The following NELL2 variants were observed in gnomAD, a reference collection of about 807,000 sequenced individuals.
The protein encoded by NELL2 is neural EGFL like 2.
Under a neutral mutation model 109.6 loss-of-function variants are expected in NELL2, and 41 were observed. The observed-to-expected ratio is 0.37, with a 90% CI of 0.29 to 0.49. The LOEUF is 0.49. Among genes scored for constraint, NELL2 ranks in the 20% least tolerant of loss-of-function variants. The probability of loss-of-function intolerance (pLI) is 0.98; values close to 1 mark genes in which losing one functional copy is unlikely to be tolerated. For missense variants in NELL2, 900 were observed against 1,008.3 expected (o/e 0.89, Z 1.45); for synonymous variants, 355 against 344.7 (o/e 1.03, Z -0.33).
At chr12:44,624,653 T>C (rs761763630) in intron 13 of NELL2, among the ~76,000 whole-genome samples, 3 of 152,040 alleles carry the variant, frequency 2.0e-5, no homozygotes, top group Non-Finnish European at 2.9e-5. Context: ...TAAGGTAAAG[T>C]GGGACAAGAG....
At chr12:44,559,919 TAAC>T (rs1219374262) in intron 15 of NELL2, among the ~76,000 whole-genome samples, 1 of 152,100 alleles carries the variant, frequency 6.6e-6, no homozygotes, top group Non-Finnish European at 1.5e-5. Context: ...ATTGACCACA[TAAC>T]TGGAAGTAAA....
chr12:44,759,898 C>A (rs1055259849), intron 9 of NELL2, among the ~76,000 whole-genome samples: 1 of 152,160 alleles, frequency 6.6e-6, no homozygotes, highest in Admixed American at 6.6e-5. Flanking sequence ...GGAAAGAACT[C>A]AACCTCCTTT....
intron 1 of NELL2, among the ~76,000 whole-genome samples, chr12:44,891,250 C>T (rs1434746266): frequency 6.6e-6 from 1 of 152,154 alleles, no homozygotes; most frequent in Admixed American, 6.5e-5. Flanking sequence ...ACCAGCTATC[C>T]AAATAACAAT....
chr12:44,573,172 T>C (rs1364847316), intron 15 of NELL2, among the ~76,000 whole-genome samples: 3 of 152,310 alleles, frequency 2.0e-5, no homozygotes, highest in Middle Eastern at 3.4e-3. Context: ...TCTCAGCCCA[T>C]TAGGCTCTCA....
chr12:44,753,028 C>A (rs548299250), intron 9 of NELL2, among the ~76,000 whole-genome samples: 8 of 152,256 alleles, frequency 5.3e-5, no homozygotes, highest in African/African-American at 1.7e-4. Flanking sequence ...ACCCTGCTGG[C>A]CTGAACTTTA....
intron 13 of NELL2, among the ~76,000 whole-genome samples, chr12:44,663,252 T>TA (rs947746742): frequency 1.6e-4 from 24 of 150,764 alleles, no homozygotes; most frequent in Admixed American, 9.9e-4. Context: ...GGCCTAACAT[T>TA]AAAAAAAAAT....
chr12:44,528,777 T>G (rs1941914796), intron 16 of NELL2, among the ~76,000 whole-genome samples: 1 of 152,074 alleles, frequency 6.6e-6, no homozygotes, highest in Non-Finnish European at 1.5e-5. Flanking sequence ...GTGAATAGAG[T>G]GTCAGAGGTG....
chr12:44,680,895 T>C (rs1019334523), intron 12 of NELL2, among the ~76,000 whole-genome samples: 2 of 152,178 alleles, frequency 1.3e-5, no homozygotes, highest in Non-Finnish European at 2.9e-5. Context: ...ACAATGTATG[T>C]TGCTTTGACA....
rs548230713 is a variant in NELL2, at chr12:44,730,653, TA to T, written c.995-15913del. On this transcript the variant is annotated intron_variant, in intron 9 of 19. Coordinates refer to ENST00000429094, the MANE Select transcript of NELL2 (RefSeq NM_001145108.2). The stretch of plus-strand genomic sequence containing the variant: ...AAAAGCAGTAAAAAAGGGAAGTTTA[TA>T]GGGGTAAATGCCCACATTTAAAAAT... Among the ~76,000 whole-genome samples the T allele has an allele frequency of 1.7e-3, 266 of 152,144 alleles. 2 individuals are homozygous for T. Among genetic ancestry groups the T allele is most frequent in the African/African-American group, 6.1e-3 (252 of 41,556 alleles).
intron 9 of NELL2, among the ~76,000 whole-genome samples, chr12:44,752,041 G>A (rs913548842): frequency 6.6e-6 from 1 of 152,064 alleles, no homozygotes; most frequent in African/African-American, 2.4e-5. Flanking sequence ...AGCCATCCTG[G>A]GCTGCATGCA....
intron 13 of NELL2, among the ~76,000 whole-genome samples, chr12:44,638,752 C>G (rs1341371519): frequency 6.6e-6 from 1 of 152,210 alleles, no homozygotes; most frequent in East Asian, 1.9e-4. Flanking sequence ...ATCTCACTTG[C>G]TTTGTTCAAC....
intron 15 of NELL2, among the ~76,000 whole-genome samples, chr12:44,558,629 G>A (rs553675328): frequency 9.8e-5 from 15 of 152,300 alleles, no homozygotes; most frequent in Non-Finnish European, 1.5e-4. Context: ...CCATGAGGAA[G>A]GGTGCACTCT....
At chr12:44,616,220 A>C (rs1945819880) in intron 13 of NELL2, among the ~76,000 whole-genome samples, 1 of 152,144 alleles carries the variant, frequency 6.6e-6, no homozygotes, top group Admixed American at 6.5e-5. Flanking sequence ...CTACCCTCAG[A>C]GAAACTTTCT....
In NELL2 at chr12:44,804,277, T is replaced by G. The variant is rs111840949; in HGVS notation, c.335+11709A>C. Among the ~76,000 whole-genome samples the G allele has an allele frequency of 5.7e-3, 872 of 152,012 alleles. 7 individuals are homozygous for G. Among genetic ancestry groups the G allele is most frequent in the African/African-American group, 0.02 (816 of 41,534 alleles). On this transcript the variant is annotated intron_variant, in intron 3 of 19. Coordinates refer to ENST00000429094, the MANE Select transcript of NELL2 (RefSeq NM_001145108.2). ...ACCTTCTTTCAAAATGCTCAGTGAA[T>G]AAAAGTACTAAAAAAAGAGGCAAAC...
chr12:44,919,216 C>A (rs12230805), intron 1 of NELL2, among the ~76,000 whole-genome samples: 3,100 of 151,906 alleles, frequency 0.02, 98 homozygotes, highest in East Asian at 0.17. Context: ...GTTTTTCCAG[C>A]AAAGAGAGGA....
chr12:44,546,558 T>C (rs1291842524), intron 15 of NELL2, among the ~76,000 whole-genome samples: 1 of 152,222 alleles, frequency 6.6e-6, no homozygotes, highest in East Asian at 1.9e-4. Context: ...TATGTGTTTC[T>C]TAAACACAGG....
chr12:44,825,997 G>A (rs190661045), intron 2 of NELL2, among the ~76,000 whole-genome samples: 99 of 151,910 alleles, frequency 6.5e-4, no homozygotes, highest in Non-Finnish European at 1.3e-3. Context: ...AGCCGAGATC[G>A]CGCCATTGCA....
At chr12:44,573,723 G>C (rs565487934) in intron 15 of NELL2, among the ~76,000 whole-genome samples, 2 of 152,332 alleles carry the variant, frequency 1.3e-5, no homozygotes, top group Non-Finnish European at 2.9e-5. Flanking sequence ...AATAGATATG[G>C]AGAACAGGCA....
At chr12:44,526,037 CAGAGT>C (rs1941755481) in intron 16 of NELL2, among the ~76,000 whole-genome samples, 1 of 152,044 alleles carries the variant, frequency 6.6e-6, no homozygotes, top group African/African-American at 2.4e-5. Flanking sequence ...AGTGAGAGAG[CAGAGT>C]AAACAGCATG....
Sources: allele counts gnomAD v4.1 joint callset (sites outside exome capture counted in the v4.1 genomes callset), GRCh38; gene constraint gnomAD v4.1.1; transcripts MANE v1.5; gene names NCBI Gene and HGNC (gene_info 2026-07-23, HGNC 2026-07-21).